Variants in EXTL3 observed in about 807,000 individuals in gnomAD.
The protein encoded by EXTL3 is exostosin-like 3.
Under a neutral mutation model 69.3 loss-of-function variants are expected in EXTL3, and 27 were observed. The ratio of observed to expected loss-of-function variants is 0.39; its 90% CI spans 0.29 to 0.54. EXTL3 has a LOEUF of 0.54. Among genes scored for constraint, EXTL3 ranks in the 20% least tolerant of loss-of-function variants. The pLI is 0.69. For synonymous variants in EXTL3, 511 were observed against 499.4 expected (o/e 1.02, Z -0.31); for missense variants, 1,003 against 1,231.8 (o/e 0.81, Z 2.78).
intron 1 of EXTL3, among the ~76,000 whole-genome samples, chr8:28,644,048 G>C (rs1806789139): frequency 1.3e-5 from 2 of 152,000 alleles, no homozygotes; most frequent in African/African-American, 4.8e-5. Context: ...ATGGGCATGA[G>C]TCATTGTGCC....
intron 1 of EXTL3, among the ~76,000 whole-genome samples, chr8:28,626,385 AAGAATGGACTTAGGAGG>A (rs1806492195): frequency 6.6e-6 from 1 of 152,156 alleles, no homozygotes; most frequent in Non-Finnish European, 1.5e-5. Flanking sequence ...GGCTTCAGTG[AAGAATGGACTTAGGAGG>A]GTAGGAGGCA....
rs1801534889 is a variant in EXTL3 at position 28,731,360 on chromosome 8, T to A, written c.2276+10T>A. 6.2e-7 allele frequency: 1 copy of A among 1,614,060 alleles called. No individual in the cohort carries two copies. Among genetic ancestry groups the A allele is most frequent in the African/African-American group, 1.3e-5 (1 of 74,932 alleles). ...TCATGTTTGGGTTCCGGTGAGAGACTAATTTCCAATCAAAACTTTAGGTTG... is the reference window on the plus strand; with the variant it reads ...TCATGTTTGGGTTCCGGTGAGAGACAAATTTCCAATCAAAACTTTAGGTTG... On this transcript the variant is annotated intron_variant, in intron 4 of 6. Coordinates refer to ENST00000220562, the MANE Select transcript of EXTL3 (RefSeq NM_001440.4).
rs547306783 is a variant in EXTL3 at position 28,666,089 on chromosome 8, G to A, written c.-53+43279G>A. Among the ~76,000 whole-genome samples, 3 of 152,296 alleles carry A rather than the reference G, an allele frequency of 2.0e-5. No homozygotes were observed. In the South Asian group the frequency reaches 6.2e-4, roughly 32 times the overall value. On this transcript the variant is annotated intron_variant, in intron 1 of 6. Transcript: ENST00000523149. ...GAGTTTTTAAGATTTCTTGCCTGCT[G>A]ATGGCAGCCTTTCTTTTTGCGCCTC...
intron 1 of EXTL3, among the ~76,000 whole-genome samples, chr8:28,705,634 G>A (rs1800905067): frequency 6.6e-6 from 1 of 151,828 alleles, no homozygotes; most frequent in Non-Finnish European, 1.5e-5. Context: ...CTCATTCAGG[G>A]AGGCCCAGGG....
At chr8:28,710,280 CAG>C (rs962859964) in intron 1 of EXTL3, 93 of 326,402 alleles carry the variant, frequency 2.8e-4, no homozygotes, top group Middle Eastern at 2.2e-3. Context: ...GTCAGCCAAT[CAG>C]GGGGCTAAGC....
At chr8:28,682,206 A>AT (rs1346148758) in intron 1 of EXTL3, among the ~76,000 whole-genome samples, 1 of 152,112 alleles carries the variant, frequency 6.6e-6, no homozygotes, top group Non-Finnish European at 1.5e-5. Context: ...GAAGTTGAGC[A>AT]TTTTTTTGTA....
intron 6 of EXTL3, among the ~76,000 whole-genome samples, chr8:28,747,650 G>A (rs1281186096): frequency 1.3e-5 from 2 of 151,642 alleles, no homozygotes; most frequent in East Asian, 3.9e-4. Flanking sequence ...GTCTATCGTG[G>A]TGACTTATTT....
At chr8:28,727,446 T>C (rs113780931) in intron 3 of EXTL3, among the ~76,000 whole-genome samples, 2 of 152,222 alleles carry the variant, frequency 1.3e-5, no homozygotes, top group Non-Finnish European at 2.9e-5. Context: ...TGACCCCACC[T>C]AAGTCTTCTA....
intron 3 of EXTL3, 131 bp downstream of exon 3, chr8:28,718,338 C>G: frequency 1.1e-6 from 1 of 916,136 alleles, no homozygotes; most frequent in Non-Finnish European, 1.7e-6. Context: ...CATGAAAAAC[C>G]TGTATAGATT....
At chr8:28,726,884 T>TC (rs1801425265) in intron 3 of EXTL3, among the ~76,000 whole-genome samples, 3 of 121,624 alleles carry the variant, frequency 2.5e-5, no homozygotes, top group Admixed American at 8.0e-5. Context: ...CTTTTCTTTT[T>TC]TTTTTTTTTT....
intron 1 of EXTL3, among the ~76,000 whole-genome samples, chr8:28,653,756 C>T (rs1029612127): frequency 6.6e-6 from 1 of 152,188 alleles, no homozygotes; most frequent in East Asian, 1.9e-4. Flanking sequence ...ACACTTAGTG[C>T]TGTTTTGATT....
At chr8:28,738,596 C>A (rs916190470) in intron 5 of EXTL3, among the ~76,000 whole-genome samples, 2 of 152,156 alleles carry the variant, frequency 1.3e-5, no homozygotes, top group Non-Finnish European at 2.9e-5. Flanking sequence ...AGTCCCTGTT[C>A]TAAGATTACC....
upstream of EXTL3, among the ~76,000 whole-genome samples, chr8:28,618,754 C>T (rs1415165728): frequency 6.6e-6 from 1 of 152,006 alleles, no homozygotes; most frequent in Non-Finnish European, 1.5e-5. Context: ...GCTCCCACTC[C>T]CCAGCGGCCC....
Position 28,716,441 on chromosome 8 carries a change from C to CT in EXTL3, c.383dup (p.Leu129AlafsTer56), listed in dbSNP as rs1801149066. ...GAGCATTGAGAACGCCAAGCAGGAC[C>CT]TGCTCCAGCTCAAGAATGTCATCAG... On this transcript the variant is annotated frameshift_variant, in exon 3 of 7. Transcript: ENST00000220562. LOFTEE classifies it high-confidence loss of function. The surrounding 1 kb of genome is among the most constrained non-coding windows in gnomAD (Gnocchi z 7.1). 6.2e-7 allele frequency: 1 copy of CT among 1,613,730 alleles called. No homozygotes were observed.
intron 1 of EXTL3, among the ~76,000 whole-genome samples, chr8:28,643,860 G>A (rs996445412): frequency 6.6e-6 from 1 of 152,064 alleles, no homozygotes; most frequent in African/African-American, 2.4e-5. Flanking sequence ...CAACCTCTCC[G>A]GCTTAAGTGA....
intron 1 of EXTL3, among the ~76,000 whole-genome samples, chr8:28,664,627 T>G (rs1418028511): frequency 6.6e-6 from 1 of 152,240 alleles, no homozygotes; most frequent in Non-Finnish European, 1.5e-5. Context: ...TGATTCTTTA[T>G]AGAATCCAGA....
At chr8:28,645,905 C>G (rs1331179954) in intron 1 of EXTL3, among the ~76,000 whole-genome samples, 1 of 151,896 alleles carries the variant, frequency 6.6e-6, no homozygotes, top group African/African-American at 2.4e-5. Flanking sequence ...CTCTGTCACC[C>G]AGGCTGGAGT....
chr8:28,694,408 C>G (rs1201769697), intron 1 of EXTL3, among the ~76,000 whole-genome samples: 1 of 152,228 alleles, frequency 6.6e-6, no homozygotes, highest in Non-Finnish European at 1.5e-5. Flanking sequence ...TACATTTGAA[C>G]TCATTTAACA....
intron 1 of EXTL3, among the ~76,000 whole-genome samples, chr8:28,667,273 A>T (rs2130634035): frequency 6.6e-6 from 1 of 152,336 alleles, no homozygotes; most frequent in South Asian, 2.1e-4. Context: ...TGGATGGAAA[A>T]GTAATGCAAG....
Sources: gnomAD v4.1 joint callset for allele counts (sites outside exome capture counted in the v4.1 genomes callset) on GRCh38, gnomAD v4.1.1 for gene constraint, Gnocchi (gnomAD v3.1) non-coding constraint, MANE v1.5 for transcripts, NCBI Gene and HGNC (gene_info 2026-07-23, HGNC 2026-07-21) for gene names.